Variants in SLC25A13 observed in about 807,000 individuals in gnomAD.
SLC25A13 encodes the protein electrogenic aspartate/glutamate antiporter SLC25A13, mitochondrial.
In SLC25A13, 70 loss-of-function variants were observed where a neutral mutation model predicts 85.5. That is an observed-to-expected ratio of 0.82 (90% CI 0.68 to 1.00). The LOEUF (loss-of-function observed/expected upper bound fraction) is 1.00. SLC25A13 is among the 50% of genes least tolerant of loss of function. SLC25A13 has a pLI of 0.00. For missense variants in SLC25A13, 765 were observed against 819.8 expected (o/e 0.93, Z 0.82); for synonymous variants, 259 against 288.7 (o/e 0.90, Z 1.04).
At chr7:96,208,690 A>G in intron 5 of SLC25A13, 148 bp downstream of exon 5, 4 of 847,080 alleles carry the variant, frequency 4.7e-6, no homozygotes, top group Non-Finnish European at 7.5e-6. Flanking sequence ...TATTTTTAGT[A>G]GAGACGGGGT....
At chr7:96,242,300 A>G (rs1797027301) in intron 3 of SLC25A13, among the ~76,000 whole-genome samples, 1 of 152,156 alleles carries the variant, frequency 6.6e-6, no homozygotes, top group African/African-American at 2.4e-5. Flanking sequence ...GTTTATCCAA[A>G]TTTATCCAAA....
chr7:96,220,769 G>T (rs1437106828), intron 4 of SLC25A13, among the ~76,000 whole-genome samples: 1 of 151,890 alleles, frequency 6.6e-6, no homozygotes, highest in Non-Finnish European at 1.5e-5. Context: ...ACATGAACAT[G>T]CACATACACA....
chr7:96,201,553 A>C (rs1795257769), intron 5 of SLC25A13, among the ~76,000 whole-genome samples: 1 of 151,926 alleles, frequency 6.6e-6, no homozygotes, highest in South Asian at 2.1e-4. Context: ...ACTTTCACTA[A>C]TACAAACAAG....
rs1254732423 is a variant in SLC25A13 at position 96,310,854 on chromosome 7, T to C, written c.15+11088A>G. 3.9e-5 allele frequency among the ~76,000 whole-genome samples: 6 copies of C among 152,306 alleles called. No homozygotes were observed. The East Asian group carries it at 5.8e-4, about 15-fold the overall frequency. On this transcript the variant is annotated intron_variant, in intron 1 of 17. Transcript: ENST00000265631. ...TCCATGTGTTACAATCCCTTTCCAATTGATTTGTCTTCATTGTGGTAAAAT... is the reference window on the plus strand; with the variant it reads ...TCCATGTGTTACAATCCCTTTCCAACTGATTTGTCTTCATTGTGGTAAAAT...
rs76371700 is a variant in SLC25A13 at position 96,184,896 on chromosome 7, A to G, written c.1018+31T>C. ...GAGAAAAGAGAATAGGAATAACAAAAGTGAAAATTTTTCTCTCATCCATGA... is the reference window on the plus strand; with the variant it reads ...GAGAAAAGAGAATAGGAATAACAAAGGTGAAAATTTTTCTCTCATCCATGA... On this transcript the variant is annotated intron_variant, in intron 10 of 17. Coordinates refer to ENST00000265631, the MANE Select transcript of SLC25A13 (RefSeq NM_014251.3). 4,287 of 1,552,272 alleles carry G rather than the reference A, an allele frequency of 2.8e-3. 91 individuals are homozygous for G. The African/African-American group carries it at 0.048, about 18-fold the overall frequency.
At chr7:96,241,567 G>A (rs1312342020) in intron 3 of SLC25A13, among the ~76,000 whole-genome samples, 1 of 152,084 alleles carries the variant, frequency 6.6e-6, no homozygotes. Context: ...ATAATATTTT[G>A]CATACACACA....
chr7:96,190,082 A>AT (rs765043025), intron 7 of SLC25A13, among the ~76,000 whole-genome samples: 2,099 of 132,164 alleles, frequency 0.016, 37 homozygotes, highest in African/African-American at 0.037. Context: ...GGGAATTCTG[A>AT]TTTTTTTTTT....
At chr7:96,230,781 C>A (rs936011543) in intron 4 of SLC25A13, among the ~76,000 whole-genome samples, 1 of 152,178 alleles carries the variant, frequency 6.6e-6, no homozygotes, top group African/African-American at 2.4e-5. Flanking sequence ...CCCTTCCTTA[C>A]GCCATATACA....
At chr7:96,257,462 T>C (rs1194500079) in intron 3 of SLC25A13, among the ~76,000 whole-genome samples, 3 of 152,176 alleles carry the variant, frequency 2.0e-5, no homozygotes, top group Non-Finnish European at 2.9e-5. Context: ...CTAGAAAATC[T>C]AGAAGAAATG....
At chr7:96,248,781 C>G (rs1797304209) in intron 3 of SLC25A13, among the ~76,000 whole-genome samples, 1 of 152,176 alleles carries the variant, frequency 6.6e-6, no homozygotes, top group Admixed American at 6.5e-5. Flanking sequence ...AACAAATTGA[C>G]AGCAAGGATA....
intron 2 of SLC25A13, among the ~76,000 whole-genome samples, chr7:96,279,871 A>G (rs1584556312): frequency 6.6e-6 from 1 of 152,176 alleles, no homozygotes; most frequent in South Asian, 2.1e-4. Flanking sequence ...ACGAACACAA[A>G]GCAAATCATT....
intron 4 of SLC25A13, among the ~76,000 whole-genome samples, chr7:96,217,114 G>A (rs1345000350): frequency 1.3e-5 from 2 of 152,078 alleles, no homozygotes; most frequent in African/African-American, 4.8e-5. Context: ...TTGCCAAGAG[G>A]CACATGAAAA....
intron 4 of SLC25A13, among the ~76,000 whole-genome samples, chr7:96,229,050 G>A (rs929340482): frequency 1.2e-4 from 18 of 152,260 alleles, no homozygotes; most frequent in East Asian, 1.2e-3. Context: ...CCCCTGCTCC[G>A]CAGCGCCCAG....
chr7:96,245,986 A>G (rs1278553622), intron 3 of SLC25A13, among the ~76,000 whole-genome samples: 1 of 152,200 alleles, frequency 6.6e-6, no homozygotes, highest in East Asian at 1.9e-4. Context: ...CAAATAAGAA[A>G]TCAGTAACTG....
chr7:96,177,337 T>C (rs1478292189), intron 11 of SLC25A13, among the ~76,000 whole-genome samples: 1 of 152,218 alleles, frequency 6.6e-6, no homozygotes, highest in African/African-American at 2.4e-5. Flanking sequence ...ACATTTCAAC[T>C]ATGTTATTAA....
At chr7:96,224,895 C>T (rs1411027649) in intron 4 of SLC25A13, among the ~76,000 whole-genome samples, 2 of 152,168 alleles carry the variant, frequency 1.3e-5, no homozygotes, top group Non-Finnish European at 2.9e-5. Flanking sequence ...CAGTGAAGAA[C>T]AGTCAGCCAG....
chr7:96,158,156 A>G (rs1793360015), intron 13 of SLC25A13, among the ~76,000 whole-genome samples: 1 of 152,188 alleles, frequency 6.6e-6, no homozygotes. Flanking sequence ...GGCTTTCTCC[A>G]ATGCTTCTTT....
At chr7:96,183,603 C>T (rs555047308) in intron 11 of SLC25A13, among the ~76,000 whole-genome samples, 24 of 152,336 alleles carry the variant, frequency 1.6e-4, no homozygotes, top group Non-Finnish European at 1.5e-4. Flanking sequence ...AAGTCTCCTT[C>T]GGCCAATGCC....
At chr7:96,191,392 T>TA (rs971407204) in intron 6 of SLC25A13, 145 bp from the exon 7 acceptor site, 580 of 905,580 alleles carry the variant, frequency 6.4e-4, no homozygotes, top group East Asian at 1.1e-3. Context: ...TCTTTTGCAT[T>TA]AAAAAAAAGC....
Sources: gnomAD v4.1 joint callset for allele counts (sites outside exome capture counted in the v4.1 genomes callset) on GRCh38, gnomAD v4.1.1 for gene constraint, MANE v1.5 for transcripts, NCBI Gene and HGNC (gene_info 2026-07-23, HGNC 2026-07-21) for gene names.